ZNF221: variants seen among roughly 807,000 people sequenced by gnomAD.
ZNF221 encodes zinc finger protein 221.
Under a neutral mutation model 12.6 loss-of-function variants are expected in ZNF221, and 10 were observed. That is an observed-to-expected ratio of 0.79 (90% CI 0.49 to 1.34). The LOEUF is 1.34. ZNF221 is among the 40% of genes most tolerant of loss of function. The probability of loss-of-function intolerance (pLI) is 0.00; values close to 1 mark genes in which losing one functional copy is unlikely to be tolerated. For missense variants in ZNF221, 661 were observed against 721.4 expected, an observed-to-expected ratio of 0.92 and a Z score of 0.96; for synonymous variants, 232 against 244.0, an observed-to-expected ratio of 0.95 and a Z score of 0.46.
intron 1 of ZNF221, among the ~76,000 whole-genome samples, chr19:43,956,526 C>T (rs890492236): frequency 1.3e-5 from 2 of 151,028 alleles, no homozygotes; most frequent in Admixed American, 6.6e-5. Flanking sequence ...TTATGCGAAA[C>T]ACTGAGAGTC....
downstream of ZNF221, among the ~76,000 whole-genome samples, chr19:43,971,281 C>T (rs1975090916): frequency 6.6e-6 from 1 of 152,054 alleles, no homozygotes; most frequent in South Asian, 2.1e-4. Context: ...AAGAAAAAAC[C>T]ATTACCAGCC....
Position 43,966,189 on chromosome 19 carries a change from T to C in ZNF221, c.687T>C (p.Asp229=), listed in dbSNP as rs1426864365. Residue 229 remains aspartate, a synonymous_variant, in exon 5 of 5, where the codon GAT becomes GAC. Transcript: ENST00000587682. ...TGGGAGAAAAATGCTATAAGTGTGA[T>C]GTGTGTGGTAAGGAATTTAATCAGA... The part of the protein sequence containing the change: ...VHMGEKCYKC[D]VCGKEFNQSS... 1 of 1,614,200 alleles carries C rather than the reference T, an allele frequency of 6.2e-7. No individual in the cohort carries two copies. Among genetic ancestry groups the C allele is most frequent in the Non-Finnish European group, 8.5e-7 (1 of 1,180,038 alleles).
At chr19:43,962,858 A>G (rs113081238) in intron 2 of ZNF221, 51 bp downstream of exon 2, 9 of 1,537,482 alleles carry the variant, frequency 5.9e-6, no homozygotes, top group African/African-American at 2.7e-5. Context: ...TACTACTCAT[A>G]TTGTCACATT....
At chr19:43,972,106 A>C (rs1975109855), downstream of ZNF221, among the ~76,000 whole-genome samples, 1 of 152,150 alleles carries the variant, frequency 6.6e-6, no homozygotes, top group African/African-American at 2.4e-5. Flanking sequence ...CACCCAAAAA[A>C]TTAAAACAAA....
chr19:43,972,569 T>A (rs1337529662), downstream of ZNF221, among the ~76,000 whole-genome samples: 5 of 151,772 alleles, frequency 3.3e-5, no homozygotes, highest in Non-Finnish European at 7.4e-5. Context: ...AAAGGGGATA[T>A]CACCACTGAC....
Position 43,966,074 on chromosome 19 carries a change from C to T in ZNF221, c.572C>T (p.Ser191Leu), listed in dbSNP as rs769091403. ...DVSVFDLHQQSHSGEKSHTCG... is the reference protein window; with the variant it reads ...DVSVFDLHQQLHSGEKSHTCG... ...TCTGTCTTTGATCTTCATCAACAAT[C>T]ACACTCAGGAGAGAAATCTCATACA... The change falls in exon 5 of 5, where the codon TCA becomes TTA. Residue 191 changes from serine to leucine, a missense_variant. By Grantham distance (145) the Ser-to-Leu change is moderately radical (BLOSUM62 -2). Transcript: ENST00000587682. The T allele has an allele frequency of 2.5e-6, 4 of 1,614,224 alleles. No homozygotes were observed. In the Admixed American group the frequency reaches 6.7e-5, roughly 27 times the overall value.
downstream of ZNF221, among the ~76,000 whole-genome samples, chr19:43,969,303 CCTG>C (rs1975045486): frequency 6.7e-6 from 1 of 148,934 alleles, no homozygotes; most frequent in African/African-American, 2.5e-5. Flanking sequence ...ACACAGAACA[CCTG>C]CTTTGCCAGA....
Position 43,965,088 on chromosome 19 carries a change from C to T in ZNF221, c.208+12C>T. ...CCTGCTCTCAGTAGGTGAGGACAGG[C>T]ACCCTCTGTAACAGAATGTTAGGCC... On this transcript the variant is annotated intron_variant, in intron 3 of 4. Transcript: ENST00000587682. 6.2e-7 allele frequency: 1 copy of T among 1,613,798 alleles called. No individual in the cohort carries two copies. The highest frequency in any genetic ancestry group is 1.1e-5 in the South Asian group (1 of 91,054).
the ZNF221 span, among the ~76,000 whole-genome samples, chr19:43,977,844 T>A: frequency 6.6e-6 from 1 of 152,208 alleles, no homozygotes; most frequent in Admixed American, 6.5e-5. Context: ...GGATAGTAGA[T>A]TGGAGGTCCC....
intron 1 of ZNF221, among the ~76,000 whole-genome samples, chr19:43,951,823 G>C (rs552687082): frequency 2.1e-5 from 3 of 142,462 alleles, no homozygotes; most frequent in African/African-American, 7.8e-5. Context: ...GCAGAACGCT[G>C]GAAAATTCTG....
the ZNF221 span, among the ~76,000 whole-genome samples, chr19:43,978,115 G>T: frequency 6.6e-6 from 1 of 152,092 alleles, no homozygotes; most frequent in Non-Finnish European, 1.5e-5. Flanking sequence ...AGCAGCACAG[G>T]TTCTTATTGA....
Position 43,965,035 on chromosome 19 carries a change from G to A in ZNF221, c.167G>A (p.Arg56Gln), listed in dbSNP as rs562658818. The A allele has an allele frequency of 3.5e-5, 56 of 1,614,156 alleles. No individual in the cohort carries two copies. In the East Asian group the frequency reaches 4.2e-4, roughly 12 times the overall value. The change falls in exon 3 of 5, where the codon CGA becomes CAA. Residue 56 changes from arginine to glutamine, a missense_variant. By Grantham distance (43) the Arg-to-Gln change is conservative. Coordinates refer to ENST00000587682, the MANE Select transcript of ZNF221 (RefSeq NM_001297588.2). ...GACCCTGCCCAGAGGAAGCTGTACC[G>A]AGATGTGATGCTAGAGAACTTCAGG... ...LLDPAQRKLYRDVMLENFRNL... is the reference protein window; with the variant it reads ...LLDPAQRKLYQDVMLENFRNL...
Position 43,965,333 on chromosome 19 carries a change from C to T in ZNF221, c.301+8C>T. 1 of 1,607,146 alleles carries T rather than the reference C, an allele frequency of 6.2e-7. No homozygotes were observed. The highest frequency in any genetic ancestry group is 8.5e-7 in the Non-Finnish European group (1 of 1,176,070). ...AAAGAGAAGGGAATTCAGGTAAGAA[C>T]CAAGTAACTGTGCATCCTTGTACAT... On this transcript the variant is annotated splice_region_variant and intron_variant, in intron 4 of 4. Transcript: ENST00000587682.
At chr19:43,978,084 A>G in the ZNF221 span, among the ~76,000 whole-genome samples, 2 of 152,218 alleles carry the variant, frequency 1.3e-5, no homozygotes, top group Non-Finnish European at 2.9e-5. Context: ...AAATGTCTAC[A>G]ATGGAAGCTC....
chr19:43,968,156 G>A (rs1313088077), downstream of ZNF221: 1 of 152,298 alleles, frequency 6.6e-6, no homozygotes, highest in African/African-American at 2.4e-5. Flanking sequence ...ATTTCATACA[G>A]TCTCAGGAGG....
chr19:43,965,366 C>A (rs928429422), intron 4 of ZNF221, 41 bp downstream of exon 4: 1 of 1,542,078 alleles, frequency 6.5e-7, no homozygotes, highest in Non-Finnish European at 8.8e-7. Context: ...CATGACTCTT[C>A]CATCTGTTTT....
chr19:43,956,102 T>C (rs1202970116), intron 1 of ZNF221, among the ~76,000 whole-genome samples: 2 of 152,176 alleles, frequency 1.3e-5, no homozygotes, highest in African/African-American at 4.8e-5. Flanking sequence ...AAAGTCTCAG[T>C]AATTGTCACT....
intron 1 of ZNF221, among the ~76,000 whole-genome samples, chr19:43,956,361 A>T (rs762417414): frequency 6.6e-6 from 1 of 152,212 alleles, no homozygotes; most frequent in African/African-American, 2.4e-5. Context: ...CCCATAAAAC[A>T]TTTAGGTAAA....
chr19:43,963,674 G>T (rs1199007157), intron 2 of ZNF221, among the ~76,000 whole-genome samples: 1 of 152,172 alleles, frequency 6.6e-6, no homozygotes, highest in African/African-American at 2.4e-5. Context: ...GCAGAATGCA[G>T]GTTTTAGTCT....
Sources: allele counts gnomAD v4.1 joint callset (sites outside exome capture counted in the v4.1 genomes callset), GRCh38; gene constraint gnomAD v4.1.1; transcripts MANE v1.5; gene names NCBI Gene and HGNC (gene_info 2026-07-23, HGNC 2026-07-21).